The following ZER1 variants were observed in gnomAD, a reference collection of about 807,000 sequenced individuals.
ZER1 encodes the protein zyg-11 related cell cycle regulator.
ZER1 carries 11 observed loss-of-function variants against 78.8 expected under a neutral mutation model. That is an observed-to-expected ratio of 0.14 (90% CI 0.09 to 0.23). The LOEUF (loss-of-function observed/expected upper bound fraction) is 0.23, where lower values mean the gene tolerates loss of function less well. ZER1 is among the 10% of genes least tolerant of loss of function. ZER1 has a pLI of 1.00. For missense variants in ZER1, 588 were observed against 996.9 expected, an observed-to-expected ratio of 0.59 and a Z score of 5.52; for synonymous variants, 400 against 407.0, an observed-to-expected ratio of 0.98 and a Z score of 0.21.
In ZER1 at chr9:128,754,431, T is replaced by C. The variant is rs1418698928; in HGVS notation, c.159-472A>G. 6.6e-6 allele frequency among the ~76,000 whole-genome samples: 1 copy of C among 152,206 alleles called. No homozygotes were observed. Among genetic ancestry groups the C allele is most frequent in the African/African-American group, 2.4e-5 (1 of 41,458 alleles). On this transcript the variant is annotated intron_variant, in intron 2 of 15. Transcript: ENST00000291900. This position sits in a 1 kb window ranked among gnomAD's most constrained non-coding sequence, Gnocchi z 4.3. The stretch of plus-strand genomic sequence containing the variant: ...CTGGTCTGCTGGGAAATGCTTTGGA[T>C]TCAAACGCTTTAGACTCTAAATCTT...
intron 1 of ZER1, among the ~76,000 whole-genome samples, chr9:128,767,397 C>T (rs535773530): frequency 1.3e-4 from 20 of 151,856 alleles, no homozygotes; most frequent in Non-Finnish European, 2.8e-4. Flanking sequence ...AGACGTATAC[C>T]AACAGACCTG....
Position 128,753,845 on chromosome 9 carries a change from C to A in ZER1, c.273G>T (p.Leu91=). The part of the protein sequence containing the change: ...RLTRIHLRED[L]VQDQDLEAIR... ...TGGCCTCCAGGTCCTGGTCCTGCACCAGGTCCTCACGGAGGTGGATCCGCG... is the reference window on the plus strand; with the variant it reads ...TGGCCTCCAGGTCCTGGTCCTGCACAAGGTCCTCACGGAGGTGGATCCGCG... The change falls in exon 3 of 16, where the codon CTG becomes CTT. Residue 91 remains leucine, a synonymous_variant. Coordinates refer to ENST00000291900, the MANE Select transcript of ZER1 (RefSeq NM_006336.4). This position sits in a 1 kb window ranked among gnomAD's most constrained non-coding sequence, Gnocchi z 7.5. The A allele has an allele frequency of 3.7e-6, 6 of 1,602,404 alleles. No individual in the cohort carries two copies. The highest frequency in any genetic ancestry group is 5.1e-6 in the Non-Finnish European group (6 of 1,175,212).
chr9:128,749,586 C>T (rs1863610425), intron 8 of ZER1, among the ~76,000 whole-genome samples: 1 of 151,794 alleles, frequency 6.6e-6, no homozygotes, highest in Admixed American at 6.6e-5. Context: ...ACCAGACTGA[C>T]CAACATGGCA....
chr9:128,734,143 AAAT>A (rs1315744119), intron 14 of ZER1, among the ~76,000 whole-genome samples: 3,091 of 36,928 alleles, frequency 0.084, 682 homozygotes, highest in African/African-American at 0.21. Flanking sequence ...AAAAAAAAAA[AAAT>A]ATATATATAT....
At chr9:128,766,782 G>A (rs867046144) in intron 1 of ZER1, among the ~76,000 whole-genome samples, 3 of 134,110 alleles carry the variant, frequency 2.2e-5, no homozygotes, top group Admixed American at 1.7e-4. Context: ...GGAGGCAGAG[G>A]TTGCAGTGAG....
chr9:128,765,254 C>A (rs1055773233), intron 1 of ZER1, among the ~76,000 whole-genome samples: 1 of 151,716 alleles, frequency 6.6e-6, no homozygotes. Context: ...CACACACGTG[C>A]GCAAGCGCGC....
Position 128,740,684 on chromosome 9 carries a change from C to G in ZER1, c.1853+88G>C. Reference sequence around the variant, plus strand: ...AAATGACATTTATAGCAAACCTAGGCTAAGAGCAGTTGTGCAACTGAGCAA... The same window carrying G: ...AAATGACATTTATAGCAAACCTAGGGTAAGAGCAGTTGTGCAACTGAGCAA... On this transcript the variant is annotated intron_variant, in intron 12 of 15. Transcript: ENST00000291900. The surrounding 1 kb of genome is among the most constrained non-coding windows in gnomAD (Gnocchi z 4.4). 1 of 696,734 alleles carries G rather than the reference C, an allele frequency of 1.4e-6. No homozygotes were observed. Among genetic ancestry groups the G allele is most frequent in the South Asian group, 1.6e-5 (1 of 62,754 alleles). The allele number at this position is 696,734 out of a possible 1,614,324, so 43.2% of individuals were successfully genotyped here. A position where few individuals can be genotyped will look rare whatever the true frequency, so the allele number is the denominator to read the frequency against.
chr9:128,736,009 CAT>C (rs1172407237), intron 13 of ZER1, among the ~76,000 whole-genome samples: 1 of 151,264 alleles, frequency 6.6e-6, no homozygotes, highest in Non-Finnish European at 1.5e-5. Flanking sequence ...AGTGCAGTGG[CAT>C]GATCTCGGCT....
At position 128,751,630 on chromosome 9, in the gene ZER1, C is replaced by G; in HGVS notation, c.924-103G>C. On this transcript the variant is annotated intron_variant, in intron 5 of 15. Transcript: ENST00000291900. This position sits in a 1 kb window ranked among gnomAD's most constrained non-coding sequence, Gnocchi z 5.4. ...ATTTCCTTGCTTTCTCTTCTAGGCC[C>G]TCCAACCTCATCCCCTACTCCTTTT... The G allele has an allele frequency of 1.1e-6, 1 of 894,604 alleles. No individual in the cohort carries two copies. The allele number at this position is 894,604 out of a possible 1,614,324, so 55.4% of individuals were successfully genotyped here.
In ZER1 at chr9:128,733,306, A is replaced by G. The variant is rs1180874726; in HGVS notation, c.2243+120T>C. 7.8e-6 allele frequency: 6 copies of G among 771,604 alleles called. No individual in the cohort carries two copies. The African/African-American group carries it at 1.0e-4, about 13-fold the overall frequency. 47.8% of individuals were successfully genotyped at this position (771,604 alleles called of 1,614,324 possible). On this transcript the variant is annotated intron_variant, in intron 15 of 15. Transcript: ENST00000291900. ...GGACATCAATACACTGTCAACCTCC[A>G]TACTCAACTCTAAGCTGTCCCTGGG... is the stretch of plus-strand genomic sequence containing the variant.
chr9:128,761,352 T>A (rs1471167766), intron 1 of ZER1, among the ~76,000 whole-genome samples: 1 of 151,718 alleles, frequency 6.6e-6, no homozygotes, highest in African/African-American at 2.4e-5. Context: ...AGCGGCACCA[T>A]CTCAGCTCAC....
chr9:128,762,007 C>T (rs1447530296), intron 1 of ZER1, among the ~76,000 whole-genome samples: 1 of 152,190 alleles, frequency 6.6e-6, no homozygotes, highest in Admixed American at 6.5e-5. Context: ...TTAGAGCAAG[C>T]TTGTCCAACC....
At chr9:128,741,953 G>A in intron 9 of ZER1, 112 bp from the exon 10 acceptor site, 2 of 1,394,072 alleles carry the variant, frequency 1.4e-6, no homozygotes, top group Non-Finnish European at 2.0e-6. Flanking sequence ...CAGGAGTCTT[G>A]ACGAGATCAA....
chr9:128,736,703 C>T (rs546029150), intron 13 of ZER1, among the ~76,000 whole-genome samples: 3 of 146,332 alleles, frequency 2.1e-5, no homozygotes, highest in East Asian at 4.1e-4. Flanking sequence ...GAAAGGGTCT[C>T]GCTCTGCTGC....
chr9:128,761,383 T>C (rs1397385154), intron 1 of ZER1, among the ~76,000 whole-genome samples: 1 of 151,330 alleles, frequency 6.6e-6, no homozygotes, highest in Non-Finnish European at 1.5e-5. Context: ...GCTTTCCAGG[T>C]TCAAGTTATT....
chr9:128,754,017 C>T lies in ZER1; in HGVS notation c.159-58G>A. 2 of 1,537,142 alleles carry T rather than the reference C, an allele frequency of 1.3e-6. No homozygotes were observed. The highest frequency in any genetic ancestry group is 1.2e-5 in the South Asian group (1 of 82,426). ...GCCACAGGGACTCTCATCCTCGCTT[C>T]AAAGCCAAGCCCTCCTCCCCCTGAA... On this transcript the variant is annotated intron_variant, in intron 2 of 15. Coordinates refer to ENST00000291900, the MANE Select transcript of ZER1 (RefSeq NM_006336.4). The surrounding 1 kb of genome is among the most constrained non-coding windows in gnomAD (Gnocchi z 4.3).
Position 128,735,329 on chromosome 9 carries a change from C to G in ZER1, c.2140+5G>C. The G allele has an allele frequency of 1.2e-6, 2 of 1,611,526 alleles. No individual in the cohort carries two copies. The highest frequency in any genetic ancestry group is 1.7e-6 in the Non-Finnish European group (2 of 1,178,998). ...TGTCTGAACCCAGGACAAGTTGGCA[C>G]TCACGGTAGACAGACACGAGGTTAT... On this transcript the variant is annotated splice_donor_5th_base_variant and intron_variant, in intron 14 of 15. Coordinates refer to ENST00000291900, the MANE Select transcript of ZER1 (RefSeq NM_006336.4).
intron 9 of ZER1, 73 bp downstream of exon 9, chr9:128,742,457 T>C: frequency 6.4e-7 from 1 of 1,563,006 alleles, no homozygotes; most frequent in East Asian, 2.3e-5. Context: ...GCTCTGAGAC[T>C]CTCGCTCAGG....
chr9:128,734,177 A>AT (rs1554784894), intron 14 of ZER1, among the ~76,000 whole-genome samples: 614 of 52,638 alleles, frequency 0.012, 39 homozygotes, highest in African/African-American at 0.018. Context: ...TCTTAAAAAA[A>AT]ATATATATAT....
Sources: allele counts gnomAD v4.1 joint callset (sites outside exome capture counted in the v4.1 genomes callset), GRCh38; gene constraint gnomAD v4.1.1; non-coding constraint Gnocchi (gnomAD v3.1); transcripts MANE v1.5; gene names NCBI Gene and HGNC (gene_info 2026-07-23, HGNC 2026-07-21).